ADGRE3: variants seen among roughly 807,000 people sequenced by gnomAD.
The protein encoded by ADGRE3 is EGF-like module receptor 3.
ADGRE3 carries 88 observed loss-of-function variants against 80.1 expected under a neutral mutation model. The ratio of observed to expected loss-of-function variants is 1.10; its 90% CI spans 0.93 to 1.31. The LOEUF is 1.31. ADGRE3 is among the 40% of genes most tolerant of loss of function. The pLI, the probability that ADGRE3 is intolerant of heterozygous loss-of-function variation, is 0.00. For synonymous variants in ADGRE3, 281 were observed against 294.8 expected (o/e 0.95, Z 0.48); for missense variants, 715 against 776.5 (o/e 0.92, Z 0.94).
intron 7 of ADGRE3, among the ~76,000 whole-genome samples, chr19:14,647,720 C>T (rs938928778): frequency 6.6e-6 from 1 of 151,484 alleles, no homozygotes; most frequent in Non-Finnish European, 1.5e-5. Flanking sequence ...GCCCGGTCTG[C>T]CGTTTTTTAG....
intron 9 of ADGRE3, among the ~76,000 whole-genome samples, chr19:14,642,935 G>A (rs548917472): frequency 6.6e-6 from 1 of 152,070 alleles, no homozygotes; most frequent in Admixed American, 6.6e-5. Flanking sequence ...TATTCCTTTG[G>A]GTATATACCC....
chr19:14,620,568 A>ATTTTTTTTTTTT lies in ADGRE3; in HGVS notation c.1921-1109_1921-1098dup, dbSNP rs1189295641. ...ATATATTATATATATATATATATATATTTTTTTTTTTTTTTTTTTTTTTTT... is the reference window on the plus strand; with the variant it reads ...ATATATTATATATATATATATATATATTTTTTTTTTTTTTTTTTTTTTTTTTTTTTTTTTTTT... On this transcript the variant is annotated intron_variant, in intron 15 of 15. Coordinates refer to ENST00000253673, the MANE Select transcript of ADGRE3 (RefSeq NM_032571.5). Among the ~76,000 whole-genome samples, 16 of 11,044 alleles carry ATTTTTTTTTTTT rather than the reference A, an allele frequency of 1.4e-3. 2 individuals carry two copies. Among genetic ancestry groups the ATTTTTTTTTTTT allele is most frequent in the East Asian group, 5.8e-3 (2 of 342 alleles). The allele number at this position is 11,044 out of a possible 152,430, so 7.2% of individuals were successfully genotyped here. A position where few individuals can be genotyped will look rare whatever the true frequency, so the allele number is the denominator to read the frequency against.
intron 9 of ADGRE3, among the ~76,000 whole-genome samples, chr19:14,642,771 A>T (rs1231738788): frequency 1.3e-5 from 2 of 152,202 alleles, no homozygotes; most frequent in East Asian, 1.9e-4. Context: ...TTATGGCTGC[A>T]TAGTATTCCA....
chr19:14,623,599 C>T (rs116757159), intron 15 of ADGRE3, among the ~76,000 whole-genome samples: 1,730 of 152,268 alleles, frequency 0.011, 27 homozygotes, highest in African/African-American at 0.038. Context: ...ATTCCCTGCA[C>T]CCATCCTCTG....
rs146816450 is a variant in ADGRE3, at chr19:14,641,292, C to T, written c.1248+127G>A. Reference sequence around the variant, plus strand: ...CCCAGCTACGATCTCAGAAGGGTAGCGGGAAAATTATATTTTTCTCCTCTA... The same window carrying T: ...CCCAGCTACGATCTCAGAAGGGTAGTGGGAAAATTATATTTTTCTCCTCTA... On this transcript the variant is annotated intron_variant, in intron 10 of 15. Coordinates refer to ENST00000253673, the MANE Select transcript of ADGRE3 (RefSeq NM_032571.5). 7.3e-5 allele frequency: 85 copies of T among 1,159,742 alleles called. No homozygotes were observed. The East Asian group carries it at 1.2e-3, about 17-fold the overall frequency. The allele number at this position is 1,159,742 out of a possible 1,614,324, so 71.8% of individuals were successfully genotyped here. A position where few individuals can be genotyped will look rare whatever the true frequency, so the allele number is the denominator to read the frequency against.
chr19:14,655,668 C>T (rs1465048277), intron 5 of ADGRE3, among the ~76,000 whole-genome samples: 2 of 151,696 alleles, frequency 1.3e-5, no homozygotes. Flanking sequence ...TGCTATGTTG[C>T]CCAGGCTGGT....
chr19:14,624,057 C>T (rs1970669361), intron 15 of ADGRE3, among the ~76,000 whole-genome samples: 2 of 151,792 alleles, frequency 1.3e-5, no homozygotes, highest in African/African-American at 4.8e-5. Flanking sequence ...TCTTAGCCTC[C>T]CGAGTAGCTA....
chr19:14,617,388 T>TTCTG (rs1202152113), downstream of ADGRE3, among the ~76,000 whole-genome samples: 1 of 135,198 alleles, frequency 7.4e-6, no homozygotes, highest in African/African-American at 2.7e-5. Flanking sequence ...CTTTCTTTCT[T>TTCTG]TCTTTCTTTC....
chr19:14,638,224 G>C lies in ADGRE3; in HGVS notation c.1365C>G (p.Asn455Lys), dbSNP rs770954017. The part of the protein sequence containing the change: ...FLTARNLTVV[N>K]YSSINRLMKW... ...TCATGAGTCTATTGATGCTTGAGTA[G>C]TTGACCACTGTCAGGTTCCGTGCAG... The change falls in exon 11 of 16, where the codon AAC (asparagine) becomes AAG (lysine). Residue 455 changes from asparagine to lysine, a missense_variant. Transcript: ENST00000253673. 2 of 1,614,132 alleles carry C rather than the reference G, an allele frequency of 1.2e-6. No individual in the cohort carries two copies. The highest frequency in any genetic ancestry group is 1.7e-6 in the Non-Finnish European group (2 of 1,179,992).
At chr19:14,673,877 C>G (rs555845687) in intron 1 of ADGRE3, among the ~76,000 whole-genome samples, 1 of 152,246 alleles carries the variant, frequency 6.6e-6, no homozygotes, top group East Asian at 1.9e-4. Context: ...TTTCCACTGT[C>G]CTTCTACTCC....
chr19:14,645,675 G>T (rs1391864681), intron 8 of ADGRE3, among the ~76,000 whole-genome samples: 2 of 151,124 alleles, frequency 1.3e-5, no homozygotes, highest in Admixed American at 6.6e-5. Flanking sequence ...AAAAAAAAAA[G>T]AAAATAGAAA....
In ADGRE3 at chr19:14,647,191, T is replaced by C; in HGVS notation, c.872A>G (p.Gln291Arg). 1 of 1,613,726 alleles carries C rather than the reference T, an allele frequency of 6.2e-7. No individual in the cohort carries two copies. Among genetic ancestry groups the C allele is most frequent in the South Asian group, 1.1e-5 (1 of 91,076 alleles). Reference protein sequence around the residue: ...SLSKSVTLTFQHVKMTPSTKK... With the variant: ...SLSKSVTLTFRHVKMTPSTKK... Reference sequence around the variant, plus strand: ...ATACCTGTGACCCACCTTCACGTGCTGGAAAGTCAGCGTCACAGACTTGGA... The same window carrying C: ...ATACCTGTGACCCACCTTCACGTGCCGGAAAGTCAGCGTCACAGACTTGGA... Residue 291 changes from glutamine to arginine, a missense_variant, in exon 8 of 16, where the codon CAG becomes CGG. By Grantham distance (43) the Gln-to-Arg change is conservative. Coordinates refer to ENST00000253673, the MANE Select transcript of ADGRE3 (RefSeq NM_032571.5).
At chr19:14,653,149 A>AT (rs199683409) in intron 6 of ADGRE3, among the ~76,000 whole-genome samples, 4,201 of 151,358 alleles carry the variant, frequency 0.028, 188 homozygotes, top group African/African-American at 0.097. Context: ...CGCCTGGCTA[A>AT]TTTTTTTTAG....
rs1970558768 is a variant in ADGRE3, at chr19:14,620,551, T to TATATATA, written c.1921-1087_1921-1081dup. 8.5e-5 allele frequency among the ~76,000 whole-genome samples: 2 copies of TATATATA among 23,414 alleles called. 1 individual carries two copies. The highest frequency in any genetic ancestry group is 1.5e-4 in the Non-Finnish European group (2 of 13,232). 15.4% of individuals were successfully genotyped at this position (23,414 alleles called of 152,430 possible). On this transcript the variant is annotated intron_variant, in intron 15 of 15. Transcript: ENST00000253673. ...ATATATATATTTTATATATATATTA[T>TATATATA]ATATATATATATATATATTTTTTTT...
chr19:14,617,227 C>A (rs552340661), downstream of ADGRE3, among the ~76,000 whole-genome samples: 1 of 151,650 alleles, frequency 6.6e-6, no homozygotes, highest in Admixed American at 6.6e-5. Flanking sequence ...TCCTTCTTTT[C>A]TTTTCTCTTT....
intron 4 of ADGRE3, among the ~76,000 whole-genome samples, chr19:14,659,033 T>C (rs1216643281): frequency 1.4e-5 from 2 of 141,844 alleles, no homozygotes; most frequent in Non-Finnish European, 3.1e-5. Flanking sequence ...GCACCTGGCT[T>C]TTTTTTTCCC....
intron 2 of ADGRE3, among the ~76,000 whole-genome samples, chr19:14,668,366 T>C (rs1186633740): frequency 1.3e-5 from 2 of 151,976 alleles, no homozygotes; most frequent in Non-Finnish European, 2.9e-5. Context: ...TTTTTTTTTT[T>C]CTCTTAGATT....
Position 14,647,077 on chromosome 19 carries a change from G to A in ADGRE3, c.882+104C>T, listed in dbSNP as rs1429011252. On this transcript the variant is annotated intron_variant, in intron 8 of 15. Coordinates refer to ENST00000253673, the MANE Select transcript of ADGRE3 (RefSeq NM_032571.5). ...AATAGCGACAGGTGCTCCTGACTAC[G>A]ACCCTGAACAGAGTGGGTCTAGAAC... The A allele has an allele frequency of 2.8e-5, 23 of 830,024 alleles. No homozygotes were observed. In the South Asian group the frequency reaches 3.3e-4, roughly 12 times the overall value. The allele number at this position is 830,024 out of a possible 1,614,324, so 51.4% of individuals were successfully genotyped here. A position where few individuals can be genotyped will look rare whatever the true frequency, so the allele number is the denominator to read the frequency against.
In ADGRE3 at chr19:14,632,942, A is replaced by C; in HGVS notation, c.1622T>G (p.Val541Gly). Residue 541 changes from valine (V) to glycine (G), a missense_variant, in exon 13 of 16, where the codon GTG (valine) becomes GGG (glycine). Transcript: ENST00000253673. ...KRKLSSLNSEVSTIQNTRMLA... is the reference protein window; with the variant it reads ...KRKLSSLNSEGSTIQNTRMLA... ...CTACCTTGTGTTCTGGATGGTTGAC[A>C]CTTCACTATTGAGGGAGGAAAGTTT... is the stretch of plus-strand genomic sequence containing the variant. 6.2e-7 allele frequency: 1 copy of C among 1,612,766 alleles called. No homozygotes were observed. Among genetic ancestry groups the C allele is most frequent in the Non-Finnish European group, 8.5e-7 (1 of 1,178,766 alleles).
Sources: allele counts gnomAD v4.1 joint callset (sites outside exome capture counted in the v4.1 genomes callset), GRCh38; gene constraint gnomAD v4.1.1; transcripts MANE v1.5; gene names NCBI Gene and HGNC (gene_info 2026-07-23, HGNC 2026-07-21).